HMCN1: variants seen among roughly 807,000 people sequenced by gnomAD.
The protein encoded by HMCN1 is hemicentin 1.
HMCN1 carries 321 observed loss-of-function variants against 625.9 expected under a neutral mutation model. The observed-to-expected ratio is 0.51, with a 90% CI of 0.47 to 0.56. The LOEUF is 0.56. Ranked by LOEUF, HMCN1 falls within the 20% of genes least tolerant of loss-of-function variation. The pLI, the probability that HMCN1 is intolerant of heterozygous loss-of-function variation, is 0.00. For synonymous variants in HMCN1, 2,425 were observed against 2,417.6 expected (o/e 1.00, Z -0.09); for missense variants, 6,588 against 6,887.3 (o/e 0.96, Z 1.54).
At chr1:185,936,722 G>A (rs1412185205) in intron 11 of HMCN1, among the ~76,000 whole-genome samples, 1 of 152,176 alleles carries the variant, frequency 6.6e-6, no homozygotes, top group Non-Finnish European at 1.5e-5. Flanking sequence ...ATATTTGAAA[G>A]CAAGAGAAAC....
rs573119781 is a variant in HMCN1, at chr1:186,065,313, C to G, written c.7589C>G (p.Ser2530Cys). 20 of 1,612,620 alleles carry G rather than the reference C, an allele frequency of 1.2e-5. No individual in the cohort carries two copies. The East Asian group carries it at 4.5e-4, about 36-fold the overall frequency. The change falls in exon 49 of 107, where the codon TCT becomes TGT. Residue 2530 changes from serine (S) to cysteine (C), a missense_variant. Transcript: ENST00000271588. ...LQEDEAHHII[S>C]GGRFLQITNV... ...GAAGATGAAGCCCATCACATTATAT[C>G]TGGTGGCCGTTTTCTTCAAATTACC...
intron 1 of HMCN1, among the ~76,000 whole-genome samples, chr1:185,766,361 C>G (rs1408129776): frequency 6.6e-6 from 1 of 152,018 alleles, no homozygotes; most frequent in African/African-American, 2.4e-5. Flanking sequence ...GTTGCATAAC[C>G]CAGCCAACTT....
intron 6 of HMCN1, among the ~76,000 whole-genome samples, chr1:185,919,730 C>T (rs751068580): frequency 6.6e-6 from 1 of 152,154 alleles, no homozygotes; most frequent in African/African-American, 2.4e-5. Flanking sequence ...GGAGCTTCAC[C>T]GAGTTCAGAC....
chr1:186,038,799 A>G (rs1339560797), intron 37 of HMCN1, 30 bp from the exon 38 acceptor site: 44 of 1,450,738 alleles, frequency 3.0e-5, no homozygotes, highest in Non-Finnish European at 4.2e-5. Flanking sequence ...AAATTTTTAC[A>G]TAGATCATCT....
chr1:186,003,928 A>C, intron 29 of HMCN1, 84 bp downstream of exon 29: 1 of 1,252,756 alleles, frequency 8.0e-7, no homozygotes, highest in Non-Finnish European at 1.2e-6. Context: ...CTCCCTCTTA[A>C]TTATTTTATT....
In HMCN1 at chr1:186,015,401, G is replaced by A. The variant is rs911753163; in HGVS notation, c.4873G>A (p.Gly1625Arg). ...TYTCHVANVAGTAEKSFHVDV... is the reference protein window; with the variant it reads ...TYTCHVANVARTAEKSFHVDV... ...TACGTGTCATGTAGCCAATGTTGCT[G>A]GAACTGCTGAAAAATCATTCCATGT... Residue 1625 changes from glycine to arginine, a missense_variant, in exon 31 of 107, where the codon GGA (glycine) becomes AGA (arginine). Transcript: ENST00000271588. 6.2e-7 allele frequency: 1 copy of A among 1,613,446 alleles called. No homozygotes were observed. The highest frequency in any genetic ancestry group is 1.3e-5 in the African/African-American group (1 of 74,876).
At chr1:186,155,195 A>G (rs1045046470) in intron 97 of HMCN1, among the ~76,000 whole-genome samples, 4 of 152,094 alleles carry the variant, frequency 2.6e-5, no homozygotes, top group Non-Finnish European at 5.9e-5. Context: ...GTTTCCTTCA[A>G]CTTGTATCAG....
intron 11 of HMCN1, among the ~76,000 whole-genome samples, chr1:185,941,518 A>G (rs989588014): frequency 6.6e-6 from 1 of 152,196 alleles, no homozygotes; most frequent in African/African-American, 2.4e-5. Flanking sequence ...AAGTCCTTTA[A>G]ATTCTTTCTG....
At chr1:186,006,821 A>G (rs550245540) in intron 29 of HMCN1, among the ~76,000 whole-genome samples, 1 of 151,810 alleles carries the variant, frequency 6.6e-6, no homozygotes, top group East Asian at 1.9e-4. Flanking sequence ...AAAAAAGCTG[A>G]AAAAAGAATA....
Position 185,888,775 on chromosome 1 carries a change from T to C in HMCN1, c.622-20562T>C, listed in dbSNP as rs963087433. On this transcript the variant is annotated intron_variant, in intron 4 of 106. Transcript: ENST00000271588. ...CCAGCTTTGTTCTTTTGGCTTAGGA[T>C]TGACTTGGCGATGCGGGCTCTTTTT... is the stretch of plus-strand genomic sequence containing the variant. 2.8e-5 allele frequency among the ~76,000 whole-genome samples: 4 copies of C among 145,264 alleles called. 1 individual carries two copies. Among genetic ancestry groups the C allele is most frequent in the African/African-American group, 1.1e-4 (4 of 35,868 alleles).
At chr1:186,151,473 T>A in intron 94 of HMCN1, 124 bp downstream of exon 94, 1 of 1,253,826 alleles carries the variant, frequency 8.0e-7, no homozygotes. Flanking sequence ...TAAACAAACA[T>A]ACATGAGGTA....
intron 6 of HMCN1, among the ~76,000 whole-genome samples, chr1:185,919,660 A>G (rs1183131021): frequency 6.6e-6 from 1 of 152,094 alleles, no homozygotes; most frequent in Non-Finnish European, 1.5e-5. Flanking sequence ...AAACCAGCAT[A>G]ATTAAATTCA....
chr1:185,842,449 G>C (rs1374359594), intron 1 of HMCN1, among the ~76,000 whole-genome samples: 1 of 152,114 alleles, frequency 6.6e-6, no homozygotes, highest in African/African-American at 2.4e-5. Context: ...TGTGGTGGCA[G>C]CTACTTGGGA....
At chr1:186,188,888 T>C (rs1475752756) in intron 106 of HMCN1, among the ~76,000 whole-genome samples, 3 of 152,204 alleles carry the variant, frequency 2.0e-5, no homozygotes, top group African/African-American at 7.2e-5. Flanking sequence ...TGGTTCTCTG[T>C]GCATTTTTTC....
intron 1 of HMCN1, among the ~76,000 whole-genome samples, chr1:185,779,113 T>C (rs1305812500): frequency 1.3e-5 from 2 of 152,256 alleles, no homozygotes; most frequent in Admixed American, 1.3e-4. Context: ...TGAGCATTTT[T>C]TCATGTGTCT....
At chr1:186,032,399 G>A (rs1476063792) in intron 36 of HMCN1, among the ~76,000 whole-genome samples, 1 of 152,064 alleles carries the variant, frequency 6.6e-6, no homozygotes, top group Non-Finnish European at 1.5e-5. Flanking sequence ...ATATGGTTTG[G>A]CTGTGTACCC....
intron 42 of HMCN1, among the ~76,000 whole-genome samples, chr1:186,052,546 G>A (rs1038826782): frequency 6.6e-6 from 1 of 151,976 alleles, no homozygotes; most frequent in African/African-American, 2.4e-5. Flanking sequence ...TTCCAGTTCT[G>A]TTCACTATTT....
At chr1:186,188,917 G>A (rs941956379) in intron 106 of HMCN1, among the ~76,000 whole-genome samples, 8 of 151,970 alleles carry the variant, frequency 5.3e-5, no homozygotes, top group Non-Finnish European at 7.4e-5. Context: ...ATTACCATCG[G>A]TTTCTGGCAA....
intron 1 of HMCN1, among the ~76,000 whole-genome samples, chr1:185,741,269 C>T (rs774403653): frequency 2.0e-5 from 3 of 152,040 alleles, no homozygotes; most frequent in African/African-American, 4.8e-5. Context: ...ACTGAATGGA[C>T]TAAGACAAGT....
Sources: gnomAD v4.1 joint callset for allele counts (sites outside exome capture counted in the v4.1 genomes callset) on GRCh38, gnomAD v4.1.1 for gene constraint, MANE v1.5 for transcripts, NCBI Gene and HGNC (gene_info 2026-07-23, HGNC 2026-07-21) for gene names.